Variants in TMEM38B observed in about 807,000 individuals in gnomAD.
TMEM38B encodes the protein transmembrane protein 38B.
Under a neutral mutation model 28.7 loss-of-function variants are expected in TMEM38B, and 24 were observed. That is an observed-to-expected ratio of 0.84 (90% CI 0.61 to 1.18). TMEM38B has a LOEUF of 1.18. TMEM38B is among the 50% of genes most tolerant of loss of function. TMEM38B has a pLI of 0.00. For synonymous variants in TMEM38B, 131 were observed against 127.7 expected (o/e 1.03, Z -0.17); for missense variants, 380 against 350.9 (o/e 1.08, Z -0.66).
chr9:105,759,673 A>G lies in TMEM38B; in HGVS notation c.660+11483A>G, dbSNP rs556357643. On this transcript the variant is annotated intron_variant, in intron 5 of 5. Coordinates refer to ENST00000374692, the MANE Select transcript of TMEM38B (RefSeq NM_018112.3). ...TTTTCCAAACATAGAAGGACAAAATACTAAACTGTTTTTAGAGTCTAAGCC... is the reference window on the plus strand; with the variant it reads ...TTTTCCAAACATAGAAGGACAAAATGCTAAACTGTTTTTAGAGTCTAAGCC... 37 of 1,601,132 alleles carry G rather than the reference A, an allele frequency of 2.3e-5. No homozygotes were observed. In the African/African-American group the frequency reaches 4.3e-4, roughly 19 times the overall value.
intron 5 of TMEM38B, chr9:105,758,659 T>C: frequency 1.3e-6 from 1 of 788,196 alleles, no homozygotes; most frequent in Non-Finnish European, 2.3e-6. Flanking sequence ...ACTTAGCCAT[T>C]TAAAACTCTG....
intron 4 of TMEM38B, among the ~76,000 whole-genome samples, chr9:105,746,736 T>G (rs1837410842): frequency 6.6e-6 from 1 of 152,214 alleles, no homozygotes; most frequent in South Asian, 2.1e-4. Context: ...GCTCTTATTA[T>G]TTTGAGATGC....
At chr9:105,760,313 T>A (rs1186561558) in intron 5 of TMEM38B, 1 of 778,524 alleles carries the variant, frequency 1.3e-6, no homozygotes, top group African/African-American at 1.7e-5. Context: ...CTTGATAAGC[T>A]TCTGGCTGGA....
chr9:105,706,146 G>A (rs1404672577), intron 2 of TMEM38B, among the ~76,000 whole-genome samples: 6 of 152,108 alleles, frequency 3.9e-5, no homozygotes, highest in Admixed American at 3.9e-4. Context: ...TGATCTGCCC[G>A]CCTCGGCCTC....
intron 1 of TMEM38B, among the ~76,000 whole-genome samples, chr9:105,697,135 C>G (rs1835316385): frequency 6.6e-6 from 1 of 152,208 alleles, no homozygotes; most frequent in Non-Finnish European, 1.5e-5. Context: ...CAGACACATA[C>G]AGTCATTCAA....
Position 105,748,170 on chromosome 9 carries a change from A to G in TMEM38B, c.640A>G (p.Ile214Val), listed in dbSNP as rs373426974. The G allele has an allele frequency of 6.2e-7, 1 of 1,611,482 alleles. No individual in the cohort carries two copies. The highest frequency in any genetic ancestry group is 8.5e-7 in the Non-Finnish European group (1 of 1,178,120). ...GCATAATCTTATGTTCCTTTATACC[A>G]TCTTTATTGTGGCCACAAAGGTAAG... Reference protein sequence around the residue: ...SKHNLMFLYTIFIVATKITMM... With the variant: ...SKHNLMFLYTVFIVATKITMM... The change falls in exon 5 of 6, where the codon ATC becomes GTC. Residue 214 changes from isoleucine (I) to valine (V), a missense_variant. Coordinates refer to ENST00000374692, the MANE Select transcript of TMEM38B (RefSeq NM_018112.3).
chr9:105,718,053 G>A (rs1448043969), intron 2 of TMEM38B, among the ~76,000 whole-genome samples: 9 of 152,284 alleles, frequency 5.9e-5, no homozygotes, highest in African/African-American at 1.2e-4. Flanking sequence ...CCAACCTGGC[G>A]CAGCTAGTCC....
chr9:105,765,336 A>C (rs527908870), intron 5 of TMEM38B, among the ~76,000 whole-genome samples: 162 of 152,354 alleles, frequency 1.1e-3, no homozygotes, highest in Middle Eastern at 3.4e-3. Flanking sequence ...TTAGAAGTAT[A>C]ATTTATGCAT....
intron 5 of TMEM38B, among the ~76,000 whole-genome samples, chr9:105,773,539 T>C (rs568186825): frequency 6.6e-6 from 1 of 152,208 alleles, no homozygotes; most frequent in African/African-American, 2.4e-5. Flanking sequence ...AAAGCACTTA[T>C]CTTCGTTCTG....
In TMEM38B at chr9:105,701,910, A is replaced by T. The variant is rs1485324601; in HGVS notation, c.113-3687A>T. Among the ~76,000 whole-genome samples the T allele has an allele frequency of 4.6e-5, 7 of 152,322 alleles. No homozygotes were observed. The East Asian group carries it at 1.2e-3, about 25-fold the overall frequency. On this transcript the variant is annotated intron_variant, in intron 1 of 5. Transcript: ENST00000374692. ...GTGAGTATGTGGATCTACCTGGCCC[A>T]CTATGATTCAAACTTGATCTAAGGC...
intron 2 of TMEM38B, 51 bp downstream of exon 2, chr9:105,705,804 A>G: frequency 6.5e-7 from 1 of 1,527,020 alleles, no homozygotes; most frequent in South Asian, 1.3e-5. Context: ...TTGTGTTGTA[A>G]ATTGTTAGTA....
rs1343391490 is a variant in TMEM38B at position 105,760,637 on chromosome 9, TATATC to T, written c.660+12449_660+12453del. 6.1e-6 allele frequency: 5 copies of T among 824,500 alleles called. No individual in the cohort carries two copies. In the African/African-American group the frequency reaches 8.4e-5, roughly 14 times the overall value. 51.1% of individuals were successfully genotyped at this position (824,500 alleles called of 1,614,324 possible). ...CAGTTTCAGAAGGAATACCCCTTGA[TATATC>T]AGAAAAGATTTCCAACCACGGAGAT... is the stretch of plus-strand genomic sequence containing the variant. On this transcript the variant is annotated intron_variant, in intron 5 of 5. Transcript: ENST00000374692.
At chr9:105,743,345 C>T (rs10759132) in intron 4 of TMEM38B, among the ~76,000 whole-genome samples, 35,533 of 152,114 alleles carry the variant, frequency 0.23, 6,813 homozygotes, top group African/African-American at 0.51. Flanking sequence ...CCTCATCCTG[C>T]TTTGAACTCA....
intron 5 of TMEM38B, among the ~76,000 whole-genome samples, chr9:105,752,162 G>C (rs959278776): frequency 2.0e-5 from 3 of 152,058 alleles, no homozygotes; most frequent in Admixed American, 1.3e-4. Context: ...TTCCAGCCAG[G>C]GTTCTCCATC....
rs550093279 is a variant in TMEM38B, at chr9:105,728,086, C to G, written c.542+5465C>G. Among the ~76,000 whole-genome samples the G allele has an allele frequency of 1.4e-4, 22 of 152,098 alleles. No individual in the cohort carries two copies. The South Asian group carries it at 2.3e-3, about 16-fold the overall frequency. ...ATAAATTACCAAGCCTCATGTATTT[C>G]TTTTTTAAAAATCATTATTATTATA... On this transcript the variant is annotated intron_variant, in intron 4 of 5. Transcript: ENST00000374692.
At chr9:105,712,233 A>T (rs1835932332) in intron 2 of TMEM38B, among the ~76,000 whole-genome samples, 1 of 152,186 alleles carries the variant, frequency 6.6e-6, no homozygotes, top group African/African-American at 2.4e-5. Flanking sequence ...ACTTTAAATA[A>T]CCATTATGAT....
chr9:105,697,131 C>T (rs1233790009), intron 1 of TMEM38B, among the ~76,000 whole-genome samples: 1 of 152,198 alleles, frequency 6.6e-6, no homozygotes, highest in Non-Finnish European at 1.5e-5. Context: ...TGGACAGACA[C>T]ATACAGTCAT....
At chr9:105,763,660 C>G (rs1356967152) in intron 5 of TMEM38B, among the ~76,000 whole-genome samples, 3 of 152,124 alleles carry the variant, frequency 2.0e-5, no homozygotes, top group South Asian at 2.1e-4. Context: ...GTACAAGGAG[C>G]AACTGGTACC....
At chr9:105,744,168 T>A (rs1285634217) in intron 4 of TMEM38B, among the ~76,000 whole-genome samples, 1 of 152,052 alleles carries the variant, frequency 6.6e-6, no homozygotes, top group African/African-American at 2.4e-5. Flanking sequence ...ATGTAAAATA[T>A]AATTTATATA....
Sources: allele counts gnomAD v4.1 joint callset (sites outside exome capture counted in the v4.1 genomes callset), GRCh38; gene constraint gnomAD v4.1.1; transcripts MANE v1.5; gene names NCBI Gene and HGNC (gene_info 2026-07-23, HGNC 2026-07-21).